SLC22A9: variants seen among roughly 807,000 people sequenced by gnomAD.
SLC22A9 encodes the protein solute carrier family 22 member 9, also known as organic anion transporter 7.
A neutral mutation model predicts 50.1 loss-of-function variants in SLC22A9; 64 were observed. That is an observed-to-expected ratio of 1.28 (90% confidence interval 1.04 to 1.57). SLC22A9 has a LOEUF of 1.57. SLC22A9 is among the 40% of genes most tolerant of loss of function. The pLI is 0.00. For synonymous variants in SLC22A9, 261 were observed against 242.5 expected (o/e 1.08, Z -0.71); for missense variants, 757 against 676.1 (o/e 1.12, Z -1.33).
rs375632468 is a variant in SLC22A9 at position 63,370,447 on chromosome 11, A to G, written c.391A>G (p.Ile131Val). 3 of 1,586,704 alleles carry G rather than the reference A, an allele frequency of 1.9e-6. No individual in the cohort carries two copies. The highest frequency in any genetic ancestry group is 2.7e-5 in the African/African-American group (2 of 74,264). ...VYDRISFSST[I>V]VTEWDLVCDS... ...TGACAGAATCTCCTTCTCATCCACC[A>G]TCGTGACTGAGGTAAGAGGCTCTGT... Residue 131 changes from isoleucine (I) to valine (V), a missense_variant, in exon 1 of 10, where the codon ATC becomes GTC. Coordinates refer to ENST00000279178, the MANE Select transcript of SLC22A9 (RefSeq NM_080866.3).
chr11:63,382,845 C>T (rs994047401), intron 6 of SLC22A9, among the ~76,000 whole-genome samples: 1 of 152,084 alleles, frequency 6.6e-6, no homozygotes, highest in African/African-American at 2.4e-5. Context: ...AATAGATGAG[C>T]ACAAACCCAA....
intron 6 of SLC22A9, among the ~76,000 whole-genome samples, chr11:63,389,730 G>A (rs936191413): frequency 6.6e-6 from 1 of 152,140 alleles, no homozygotes; most frequent in Non-Finnish European, 1.5e-5. Context: ...TGGTATTTCT[G>A]GTTCCAGATC....
intron 5 of SLC22A9, among the ~76,000 whole-genome samples, chr11:63,376,523 A>G (rs1262157773): frequency 6.6e-6 from 1 of 152,032 alleles, no homozygotes; most frequent in Non-Finnish European, 1.5e-5. Flanking sequence ...GAATAAGTCA[A>G]GGTAACTACC....
At chr11:63,407,770 C>T (rs2015065084) in intron 7 of SLC22A9, among the ~76,000 whole-genome samples, 1 of 152,104 alleles carries the variant, frequency 6.6e-6, no homozygotes, top group Non-Finnish European at 1.5e-5. Flanking sequence ...ACATGACAGT[C>T]CTATGTTCTA....
At chr11:63,397,928 G>C (rs554212) in intron 6 of SLC22A9, among the ~76,000 whole-genome samples, 76,543 of 151,766 alleles carry the variant, frequency 0.5, 21,632 homozygotes, top group East Asian at 0.79. Context: ...TTTAATCTTG[G>C]CTCTTCTTTT....
intron 6 of SLC22A9, among the ~76,000 whole-genome samples, chr11:63,387,808 A>T (rs1231400434): frequency 1.3e-5 from 2 of 151,862 alleles, no homozygotes; most frequent in Non-Finnish European, 2.9e-5. Context: ...TCCATTTTTA[A>T]TCCTCTTCAA....
intron 6 of SLC22A9, among the ~76,000 whole-genome samples, chr11:63,392,429 T>C (rs1190138289): frequency 6.6e-6 from 1 of 152,068 alleles, no homozygotes; most frequent in African/African-American, 2.4e-5. Context: ...TCAGTATTTG[T>C]TTTTCTAGGA....
intron 6 of SLC22A9, among the ~76,000 whole-genome samples, chr11:63,388,050 G>A (rs2014699605): frequency 6.6e-6 from 1 of 151,914 alleles, no homozygotes; most frequent in Middle Eastern, 3.2e-3. Flanking sequence ...TTTATTTCTT[G>A]TTTCTAATAG....
At chr11:63,407,159 T>TG (rs923073209) in intron 7 of SLC22A9, among the ~76,000 whole-genome samples, 2 of 152,200 alleles carry the variant, frequency 1.3e-5, no homozygotes, top group Admixed American at 1.3e-4. Context: ...TGTATCTACT[T>TG]GTGTGCCTTG....
chr11:63,385,106 G>GTTTTTTTTTTTTTTTTTTTT (rs149124193), intron 6 of SLC22A9, among the ~76,000 whole-genome samples: 1 of 76,558 alleles, frequency 1.3e-5, no homozygotes. Flanking sequence ...TGATGATACA[G>GTTTTTTTTTTTTTTTTTTTT]TTTTTTTTTT....
At chr11:63,383,520 T>G (rs2014603870) in intron 6 of SLC22A9, among the ~76,000 whole-genome samples, 1 of 152,098 alleles carries the variant, frequency 6.6e-6, no homozygotes, top group African/African-American at 2.4e-5. Flanking sequence ...CTATTTGGGT[T>G]GATTGGTGAA....
At chr11:63,374,183 C>T (rs2014421386) in intron 4 of SLC22A9, 121 bp downstream of exon 4, 4 of 947,146 alleles carry the variant, frequency 4.2e-6, no homozygotes, top group Non-Finnish European at 6.0e-6. Flanking sequence ...CTCTCATAAT[C>T]TGTGCTTGAT....
At chr11:63,382,023 G>T in intron 5 of SLC22A9, 136 bp from the exon 6 acceptor site, 1 of 623,644 alleles carries the variant, frequency 1.6e-6, no homozygotes, top group South Asian at 2.2e-5. Context: ...ACATATCATT[G>T]CATTTTAAGG....
chr11:63,375,660 T>G lies in SLC22A9; in HGVS notation c.846T>G (p.Ser282=). The G allele has an allele frequency of 6.2e-7, 1 of 1,612,490 alleles. No individual in the cohort carries two copies. Among genetic ancestry groups the G allele is most frequent in the Non-Finnish European group, 8.5e-7 (1 of 1,178,922 alleles). The change falls in exon 5 of 10, where the codon TCT becomes TCG. Residue 282 remains serine, a synonymous_variant. Transcript: ENST00000279178. ...IFLTSSWLLE[S]ARWLIINNKP... ...CCTTGGTCAGTTGGCTGCTAGAGTC[T>G]GCTCGGTGGCTCATTATCAACAATA...
intron 6 of SLC22A9, among the ~76,000 whole-genome samples, chr11:63,399,455 G>T (rs1184629976): frequency 6.6e-6 from 1 of 152,066 alleles, no homozygotes; most frequent in Non-Finnish European, 1.5e-5. Flanking sequence ...ACAGACAAAG[G>T]AGATCATTAT....
rs542741544 is a variant in SLC22A9 at position 63,379,862 on chromosome 11, G to T, written c.955-2297G>T. ...TTCTCCTGCCTCAGCCTTCTGAAGA[G>T]CTGGGATTACAGGCTTGAGACATCA... On this transcript the variant is annotated intron_variant, in intron 5 of 9. Transcript: ENST00000279178. Among the ~76,000 whole-genome samples, 5 of 152,278 alleles carry T rather than the reference G, an allele frequency of 3.3e-5. No individual in the cohort carries two copies. In the East Asian group the frequency reaches 9.6e-4, roughly 29 times the overall value.
chr11:63,371,214 T>A lies in SLC22A9; in HGVS notation c.482T>A (p.Ile161Asn). 1 of 1,613,072 alleles carries A rather than the reference T, an allele frequency of 6.2e-7. No homozygotes were observed. The highest frequency in any genetic ancestry group is 8.5e-7 in the Non-Finnish European group (1 of 1,179,370). Reference sequence around the variant, plus strand: ...ATGGCTGGAATGATGGTGGGAGGCATCCTAGGCGGTCATTTATCAGACAGG... The same window carrying A: ...ATGGCTGGAATGATGGTGGGAGGCAACCTAGGCGGTCATTTATCAGACAGG... ...VFMAGMMVGG[I>N]LGGHLSDRFG... The change falls in exon 2 of 10, where the codon ATC (isoleucine) becomes AAC (asparagine). Residue 161 changes from isoleucine (I) to asparagine (N), a missense_variant. By Grantham distance (149) the Ile-to-Asn change is moderately radical. Coordinates refer to ENST00000279178, the MANE Select transcript of SLC22A9 (RefSeq NM_080866.3).
At chr11:63,405,355 G>C (rs146484763) in intron 6 of SLC22A9, among the ~76,000 whole-genome samples, 1 of 152,202 alleles carries the variant, frequency 6.6e-6, no homozygotes, top group East Asian at 1.9e-4. Context: ...ACTGTGTCAA[G>C]GGCGACTAAG....
At chr11:63,392,353 G>T (rs186486124) in intron 6 of SLC22A9, among the ~76,000 whole-genome samples, 1 of 151,968 alleles carries the variant, frequency 6.6e-6, no homozygotes, top group Non-Finnish European at 1.5e-5. Context: ...CAATGTCATT[G>T]TCTTTCAGAT....
Sources: gnomAD v4.1 joint callset for allele counts (sites outside exome capture counted in the v4.1 genomes callset) on GRCh38, gnomAD v4.1.1 for gene constraint, MANE v1.5 for transcripts, NCBI Gene and HGNC (gene_info 2026-07-23, HGNC 2026-07-21) for gene names.